AGFG2: variants seen among roughly 807,000 people sequenced by gnomAD.
The protein encoded by AGFG2 is arf-GAP domain and FG repeat-containing protein 2.
A neutral mutation model predicts 48.0 loss-of-function variants in AGFG2; 31 were observed. The observed-to-expected ratio is 0.65, with a 90% CI of 0.49 to 0.87. The LOEUF (loss-of-function observed/expected upper bound fraction) is 0.87. Among genes scored for constraint, AGFG2 ranks in the 40% least tolerant of loss-of-function variants. AGFG2 has a pLI of 0.00. For missense variants in AGFG2, 599 were observed against 632.6 expected (o/e 0.95, Z 0.57); for synonymous variants, 229 against 260.8 (o/e 0.88, Z 1.18).
At chr7:100,545,162 T>G (rs1237336659) in intron 1 of AGFG2, among the ~76,000 whole-genome samples, 1 of 152,182 alleles carries the variant, frequency 6.6e-6, no homozygotes, top group Non-Finnish European at 1.5e-5. Flanking sequence ...AGGCAAGGAT[T>G]TCCCAAGTCC....
chr7:100,548,601 CTG>C (rs1452691779), intron 1 of AGFG2, among the ~76,000 whole-genome samples: 2 of 152,184 alleles, frequency 1.3e-5, no homozygotes, highest in Non-Finnish European at 2.9e-5. Flanking sequence ...GTGTGAGTCA[CTG>C]TGCCTGGCCT....
chr7:100,551,053 TATATATA>T lies in AGFG2; in HGVS notation c.431+543_431+549del, dbSNP rs1562791806. 3.1e-4 allele frequency among the ~76,000 whole-genome samples: 27 copies of T among 86,392 alleles called. 1 individual carries two copies. The highest frequency in any genetic ancestry group is 1.1e-3 in the African/African-American group (27 of 24,996). 56.7% of individuals were successfully genotyped at this position (86,392 alleles called of 152,430 possible). On this transcript the variant is annotated intron_variant, in intron 3 of 11. Transcript: ENST00000300176. ...ATTTATATATATATATATATATATA[TATATATA>T]TATATATTTCTTTTTTTTTTTTTTT...
At chr7:100,560,592 T>G (rs1800845132) in intron 6 of AGFG2, among the ~76,000 whole-genome samples, 1 of 152,134 alleles carries the variant, frequency 6.6e-6, no homozygotes, top group African/African-American at 2.4e-5. Flanking sequence ...CAGCCAGCAC[T>G]CATTCATCTA....
chr7:100,559,963 C>T (rs1800831180), intron 6 of AGFG2, among the ~76,000 whole-genome samples: 1 of 152,182 alleles, frequency 6.6e-6, no homozygotes, highest in South Asian at 2.1e-4. Context: ...CCCTAGTGTC[C>T]ACAGGGAGGC....
In AGFG2 at chr7:100,548,869, C is replaced by T. The variant is rs1800566629; in HGVS notation, c.269C>T (p.Thr90Ile). Reference sequence around the variant, plus strand: ...CGTGTCAAGTCAATCTCCATGACAACTTTCACTGAGCCTGAAGTAGTATTC... The same window carrying T: ...CGTGTCAAGTCAATCTCCATGACAATTTTCACTGAGCCTGAAGTAGTATTC... ...PHRVKSISMTTFTEPEVVFLQ... is the reference protein window; with the variant it reads ...PHRVKSISMTIFTEPEVVFLQ... The change falls in exon 2 of 12, where the codon ACT (threonine) becomes ATT (isoleucine). Residue 90 changes from threonine to isoleucine, a missense_variant. Thr to Ile is a moderately conservative substitution (Grantham distance 89, BLOSUM62 -1). Coordinates refer to ENST00000300176, the MANE Select transcript of AGFG2 (RefSeq NM_006076.5). The T allele has an allele frequency of 4.3e-6, 7 of 1,613,848 alleles. No individual in the cohort carries two copies. The highest frequency in any genetic ancestry group is 4.2e-6 in the Non-Finnish European group (5 of 1,179,870).
chr7:100,562,583 C>G lies in AGFG2; in HGVS notation c.999-11C>G. ...GCAGCTGTGTATGACTTCTCTCTCC[C>G]CGTGTTGTAGCCTCTTCGGGATGGC... On this transcript the variant is annotated splice_polypyrimidine_tract_variant and intron_variant, in intron 7 of 11. Transcript: ENST00000300176. This position sits in a 1 kb window ranked among gnomAD's most constrained non-coding sequence, Gnocchi z 5.4. The G allele has an allele frequency of 6.2e-7, 1 of 1,613,500 alleles. No individual in the cohort carries two copies. The highest frequency in any genetic ancestry group is 8.5e-7 in the Non-Finnish European group (1 of 1,179,898).
rs778812557 is a variant in AGFG2 at position 100,564,940 on chromosome 7, C to T, written c.1395C>T (p.Pro465=). Residue 465 remains proline, a synonymous_variant, in exon 12 of 12, where the codon CCC becomes CCT. Transcript: ENST00000300176. ...GISTNPFMTG[P]SSSPFASKPP... ...TTGTTCTTTCTTTCCAGACTGGACC[C>T]TCATCAAGCCCATTCGCCTCCAAAC... The T allele has an allele frequency of 5.0e-6, 8 of 1,614,010 alleles. No individual in the cohort carries two copies. Among genetic ancestry groups the T allele is most frequent in the Non-Finnish European group, 6.8e-6 (8 of 1,179,970 alleles).
chr7:100,543,415 T>C (rs1467003700), intron 1 of AGFG2, among the ~76,000 whole-genome samples: 2 of 152,166 alleles, frequency 1.3e-5, no homozygotes, highest in Non-Finnish European at 2.9e-5. Flanking sequence ...AGGGAAGAAA[T>C]TGAAATACCA....
chr7:100,544,273 T>C (rs1800473024), intron 1 of AGFG2, among the ~76,000 whole-genome samples: 1 of 152,182 alleles, frequency 6.6e-6, no homozygotes, highest in South Asian at 2.1e-4. Context: ...TAGACACTTA[T>C]CTCTTCTATT....
Position 100,562,920 on chromosome 7 carries a change from C to T in AGFG2, c.1145C>T (p.Pro382Leu), listed in dbSNP as rs758079460. Residue 382 changes from proline to leucine, a missense_variant, in exon 9 of 12, where the codon CCG (proline) becomes CTG (leucine). Coordinates refer to ENST00000300176, the MANE Select transcript of AGFG2 (RefSeq NM_006076.5). This position sits in a 1 kb window ranked among gnomAD's most constrained non-coding sequence, Gnocchi z 5.4. ...CAGTCCCCGCTGCCTTCCACCAACC[C>T]GTTCCAGCCCAATGGCTTGGCGCCA... ...AAQSPLPSTN[P>L]FQPNGLAPGP... 2.7e-5 allele frequency: 43 copies of T among 1,613,984 alleles called. No individual in the cohort carries two copies. Among genetic ancestry groups the T allele is most frequent in the Middle Eastern group, 1.6e-4 (1 of 6,084 alleles).
chr7:100,564,097 A>G, intron 10 of AGFG2, 121 bp from the exon 11 acceptor site: 1 of 1,533,072 alleles, frequency 6.5e-7, no homozygotes. Context: ...GAAGCACCAG[A>G]CCCGCCCGGG....
In AGFG2 at chr7:100,562,609, T is replaced by TG; in HGVS notation, c.1016dup (p.Gln340ProfsTer27). On this transcript the variant is annotated frameshift_variant, in exon 8 of 12. Transcript: ENST00000300176. LOFTEE classifies it high-confidence loss of function. The surrounding 1 kb of genome is among the most constrained non-coding windows in gnomAD (Gnocchi z 5.4). ...CGTGTTGTAGCCTCTTCGGGATGGC[T>TG]GGCCAGGTCCCCCCGCTCCAGTCTG... 6.2e-7 allele frequency: 1 copy of TG among 1,613,010 alleles called. No homozygotes were observed.
intron 6 of AGFG2, among the ~76,000 whole-genome samples, chr7:100,559,292 T>C (rs1257675661): frequency 2.0e-5 from 3 of 152,094 alleles, no homozygotes; most frequent in African/African-American, 4.8e-5. Flanking sequence ...ATGCTGATAA[T>C]TGGCAGAACC....
chr7:100,555,525 G>C, intron 5 of AGFG2, 85 bp from the exon 6 acceptor site: 1 of 1,471,774 alleles, frequency 6.8e-7, no homozygotes, highest in Non-Finnish European at 9.3e-7. Context: ...TGCCCACCTC[G>C]GCCTCCCAAA....
intron 5 of AGFG2, among the ~76,000 whole-genome samples, chr7:100,554,937 CAAAAAAAAAAA>C (rs749887106): frequency 1.7e-5 from 1 of 57,578 alleles, no homozygotes; most frequent in Non-Finnish European, 3.6e-5. Context: ...GACTCCGTCT[CAAAAAAAAAAA>C]AAAAAAAAAA....
intron 2 of AGFG2, among the ~76,000 whole-genome samples, chr7:100,549,837 C>G (rs1800590623): frequency 6.6e-6 from 1 of 152,134 alleles, no homozygotes; most frequent in African/African-American, 2.4e-5. Flanking sequence ...GAACTATAGG[C>G]ACATGCCACC....
rs1800973179 is a variant in AGFG2 at position 100,564,987 on chromosome 7, T to G, written c.1442T>G (p.Leu481Trp). The G allele has an allele frequency of 1.2e-6, 2 of 1,614,086 alleles. No homozygotes were observed. Among genetic ancestry groups the G allele is most frequent in the Non-Finnish European group, 1.7e-6 (2 of 1,179,966 alleles). Reference sequence around the variant, plus strand: ...AAACCTCCAACCACCAACCCCTTCTTGTAGCACTGTGTTTTTGGGGGGCCT... The same window carrying G: ...AAACCTCCAACCACCAACCCCTTCTGGTAGCACTGTGTTTTTGGGGGGCCT... ...ASKPPTTNPF[L>W] is the part of the protein sequence containing the mutation. The change falls in exon 12 of 12, where the codon TTG becomes TGG. Residue 481 changes from leucine (L) to tryptophan (W), a missense_variant. Transcript: ENST00000300176.
intron 11 of AGFG2, 55 bp downstream of exon 11, chr7:100,564,358 C>A: frequency 6.5e-7 from 1 of 1,539,806 alleles, no homozygotes; most frequent in Non-Finnish European, 8.9e-7. Context: ...CCCTCTGGGA[C>A]AATCCTTCCA....
intron 1 of AGFG2, among the ~76,000 whole-genome samples, chr7:100,545,633 C>T (rs1800496353): frequency 6.6e-6 from 1 of 152,212 alleles, no homozygotes; most frequent in African/African-American, 2.4e-5. Flanking sequence ...TGTTCCTCCC[C>T]AGCACTTCCT....
Sources: gnomAD v4.1 joint callset for allele counts (sites outside exome capture counted in the v4.1 genomes callset) on GRCh38, gnomAD v4.1.1 for gene constraint, Gnocchi (gnomAD v3.1) non-coding constraint, MANE v1.5 for transcripts, NCBI Gene and HGNC (gene_info 2026-07-23, HGNC 2026-07-21) for gene names.